The following SMOC1 variants were observed in gnomAD, a reference collection of about 807,000 sequenced individuals.
The protein encoded by SMOC1 is SPARC related modular calcium binding 1, also known as SPARC-related modular calcium-binding protein 1.
In SMOC1, 22 loss-of-function variants were observed where a neutral mutation model predicts 56.3. That is an observed-to-expected ratio of 0.39 (90% CI 0.28 to 0.56). The LOEUF is 0.56. Ranked by LOEUF, SMOC1 falls within the 20% of genes least tolerant of loss-of-function variation. The pLI is 0.61. For missense variants in SMOC1, 509 were observed against 565.4 expected, an observed-to-expected ratio of 0.90 and a Z score of 1.01; for synonymous variants, 193 against 215.0, an observed-to-expected ratio of 0.90 and a Z score of 0.89.
chr14:70,028,947 G>A (rs1446610131), intron 11 of SMOC1, among the ~76,000 whole-genome samples: 1 of 152,202 alleles, frequency 6.6e-6, no homozygotes, highest in African/African-American at 2.4e-5. Context: ...CTTGGGTTCT[G>A]CAGCGCTGTA....
chr14:70,005,466 T>C (rs1420436624), intron 7 of SMOC1, among the ~76,000 whole-genome samples: 1 of 152,148 alleles, frequency 6.6e-6, no homozygotes, highest in Non-Finnish European at 1.5e-5. Flanking sequence ...TCCTCTCCTG[T>C]CTCCTGCCCT....
At chr14:69,964,426 G>A (rs1407741787) in intron 3 of SMOC1, among the ~76,000 whole-genome samples, 1 of 149,570 alleles carries the variant, frequency 6.7e-6, no homozygotes, top group African/African-American at 2.5e-5. Flanking sequence ...CGCCCAGGCT[G>A]GAGTGTAGTG....
intron 7 of SMOC1, among the ~76,000 whole-genome samples, chr14:70,009,218 C>T (rs1594853092): frequency 6.6e-6 from 1 of 152,172 alleles, no homozygotes; most frequent in Non-Finnish European, 1.5e-5. Context: ...TCCTGGCCCT[C>T]AGATATTTTT....
chr14:70,028,856 C>T (rs537525923), intron 11 of SMOC1, among the ~76,000 whole-genome samples: 225 of 152,354 alleles, frequency 1.5e-3, no homozygotes, highest in Admixed American at 3.9e-3. Context: ...ACCCCATGTC[C>T]GCTCTCCTTT....
At chr14:69,888,621 C>G (rs1386916220) in intron 1 of SMOC1, among the ~76,000 whole-genome samples, 1 of 152,096 alleles carries the variant, frequency 6.6e-6, no homozygotes, top group Non-Finnish European at 1.5e-5. Flanking sequence ...TCCTTAAAAT[C>G]TATTTTACAC....
intron 7 of SMOC1, among the ~76,000 whole-genome samples, chr14:70,001,873 A>G (rs1884981933): frequency 6.6e-6 from 1 of 152,236 alleles, no homozygotes; most frequent in Non-Finnish European, 1.5e-5. Context: ...TAGAGCCTGA[A>G]TCATTGACCA....
intron 7 of SMOC1, among the ~76,000 whole-genome samples, chr14:70,002,242 TG>T (rs1566706335): frequency 6.6e-6 from 1 of 152,224 alleles, no homozygotes; most frequent in Non-Finnish European, 1.5e-5. Context: ...GTTAGATTTT[TG>T]CTTTCTTTTG....
intron 1 of SMOC1, among the ~76,000 whole-genome samples, chr14:69,947,313 G>A (rs527679581): frequency 6.6e-6 from 1 of 152,204 alleles, no homozygotes; most frequent in Admixed American, 6.5e-5. Context: ...AGGGCCATGG[G>A]CATGCATTAC....
intron 11 of SMOC1, 45 bp downstream of exon 11, chr14:70,023,492 C>T (rs771075720): frequency 6.8e-6 from 11 of 1,613,402 alleles, no homozygotes; most frequent in Non-Finnish European, 7.6e-6. Flanking sequence ...TACTTGCCCC[C>T]ACCCAGGCAT....
At chr14:70,007,314 T>C (rs1885182273) in intron 7 of SMOC1, among the ~76,000 whole-genome samples, 1 of 152,250 alleles carries the variant, frequency 6.6e-6, no homozygotes, top group Admixed American at 6.5e-5. Context: ...ATTCCAAGTC[T>C]GGCCCATGGT....
intron 3 of SMOC1, among the ~76,000 whole-genome samples, chr14:69,968,566 C>T (rs1883651992): frequency 6.6e-6 from 1 of 152,198 alleles, no homozygotes; most frequent in South Asian, 2.1e-4. Context: ...AAATACTGCT[C>T]TGACATGAAG....
intron 1 of SMOC1, among the ~76,000 whole-genome samples, chr14:69,929,049 AGTCTCCCCGGG>A (rs1343012326): frequency 1.3e-5 from 2 of 152,142 alleles, no homozygotes; most frequent in Non-Finnish European, 1.5e-5. Flanking sequence ...AGGAGCTGGG[AGTCTCCCCGGG>A]GTTGCAAGCT....
At chr14:69,986,740 GT>G (rs1435892838) in intron 5 of SMOC1, among the ~76,000 whole-genome samples, 2 of 152,134 alleles carry the variant, frequency 1.3e-5, no homozygotes, top group Non-Finnish European at 2.9e-5. Flanking sequence ...CCAGCCTTCT[GT>G]TTTTGCTCTT....
intron 7 of SMOC1, 90 bp from the exon 8 acceptor site, chr14:70,010,664 C>T: frequency 1.4e-6 from 2 of 1,410,222 alleles, no homozygotes; most frequent in East Asian, 2.3e-5. Context: ...AGGCCTGGTC[C>T]TTGCTACTTA....
intron 1 of SMOC1, among the ~76,000 whole-genome samples, chr14:69,925,256 A>G (rs1594805271): frequency 2.2e-5 from 1 of 45,696 alleles, no homozygotes; most frequent in Non-Finnish European, 4.1e-5. Context: ...GGAGGAGGGG[A>G]GGTAGGGGAG....
chr14:69,985,397 T>C (rs1884330061), intron 5 of SMOC1, among the ~76,000 whole-genome samples: 1 of 152,170 alleles, frequency 6.6e-6, no homozygotes, highest in Non-Finnish European at 1.5e-5. Context: ...CTCCTGAGCA[T>C]TTATTCCAGA....
At position 69,879,460 on chromosome 14, in the gene SMOC1, G is replaced by A. The variant is rs974428780; in HGVS notation, c.-219G>A. ...GCCTGGGCCCCGCCGAGCGGAGCTA[G>A]CGCCGCGCGCAGAGCACACGCTCGC... is the stretch of plus-strand genomic sequence containing the variant. On this transcript the variant is annotated 5_prime_UTR_variant, in exon 1 of 12. Coordinates refer to ENST00000361956, the MANE Select transcript of SMOC1 (RefSeq NM_001034852.3). 6 of 402,214 alleles carry A rather than the reference G, an allele frequency of 1.5e-5. No individual in the cohort carries two copies. The highest frequency in any genetic ancestry group is 9.3e-5 in the Admixed American group (2 of 21,576). The allele number at this position is 402,214 out of a possible 1,614,324, so 24.9% of individuals were successfully genotyped here.
intron 1 of SMOC1, chr14:69,885,760 G>A (rs55954985): frequency 0.14 from 214,159 of 1,501,100 alleles, 17,140 homozygotes; most frequent in South Asian, 0.28. Context: ...TCTTCGGGAC[G>A]TCCCCTTTGC....
chr14:69,997,993 C>T (rs1410754342), intron 7 of SMOC1, among the ~76,000 whole-genome samples: 1 of 152,158 alleles, frequency 6.6e-6, no homozygotes, highest in East Asian at 1.9e-4. Flanking sequence ...TTTTCACACT[C>T]AGACCCTGTG....
Sources: gnomAD v4.1 joint callset for allele counts (sites outside exome capture counted in the v4.1 genomes callset) on GRCh38, gnomAD v4.1.1 for gene constraint, MANE v1.5 for transcripts, NCBI Gene and HGNC (gene_info 2026-07-23, HGNC 2026-07-21) for gene names.